The following MALRD1 variants were observed in gnomAD, a reference collection of about 807,000 sequenced individuals.
The protein encoded by MALRD1 is MAM and LDL receptor class A domain containing 1.
In MALRD1, 247 loss-of-function variants were observed where a neutral mutation model predicts 242.1. The ratio of observed to expected loss-of-function variants is 1.02; its 90% confidence interval spans 0.92 to 1.13. The LOEUF is 1.13. Ranked by LOEUF, MALRD1 falls within the 50% of genes most tolerant of loss-of-function variation. MALRD1 has a pLI of 0.00. For missense variants in MALRD1, 2,989 were observed against 2,533.1 expected (o/e 1.18, Z -3.86); for synonymous variants, 995 against 866.6 (o/e 1.15, Z -2.60).
chr10:19,397,733 T>C (rs1846647023), intron 28 of MALRD1, among the ~76,000 whole-genome samples: 1 of 152,170 alleles, frequency 6.6e-6, no homozygotes, highest in South Asian at 2.1e-4. Context: ...TTACTGGGTG[T>C]ATAACACTTG....
chr10:19,169,871 C>T (rs1265277212), intron 13 of MALRD1, among the ~76,000 whole-genome samples: 1 of 152,164 alleles, frequency 6.6e-6, no homozygotes, highest in Non-Finnish European at 1.5e-5. Context: ...TTCAGTTCCA[C>T]GTGTCTAAGC....
chr10:19,113,820 C>CAG (rs56930576), intron 5 of MALRD1, among the ~76,000 whole-genome samples: 6 of 98,836 alleles, frequency 6.1e-5, no homozygotes, highest in African/African-American at 2.3e-4. Context: ...CACACACACA[C>CAG]ACACACACAC....
At chr10:19,177,495 C>A (rs951119553) in intron 14 of MALRD1, among the ~76,000 whole-genome samples, 1 of 151,458 alleles carries the variant, frequency 6.6e-6, no homozygotes, top group East Asian at 1.9e-4. Context: ...CTTTCTTCAC[C>A]CATCATAAAG....
At chr10:19,511,076 T>C (rs1833382026) in intron 31 of MALRD1, among the ~76,000 whole-genome samples, 1 of 152,208 alleles carries the variant, frequency 6.6e-6, no homozygotes, top group East Asian at 1.9e-4. Context: ...TATCAGTTAG[T>C]ATTTGAGACT....
intron 1 of MALRD1, among the ~76,000 whole-genome samples, chr10:19,064,262 C>T (rs1224683116): frequency 2.0e-5 from 3 of 152,148 alleles, no homozygotes; most frequent in East Asian, 1.9e-4. Context: ...CCAACTGTGG[C>T]GTTATTAATT....
Position 19,238,393 on chromosome 10 carries a change from T to A in MALRD1, c.2992-19291T>A, listed in dbSNP as rs1244817040. The stretch of plus-strand genomic sequence containing the variant: ...TATATTATACATAATATATTATATA[T>A]GTTATATATTATGTATAATATATAA... On this transcript the variant is annotated intron_variant, in intron 18 of 39. Coordinates refer to ENST00000454679, the MANE Select transcript of MALRD1 (RefSeq NM_001142308.3). Among the ~76,000 whole-genome samples the A allele has an allele frequency of 2.4e-4, 20 of 83,614 alleles. 1 individual carries two copies. The highest frequency in any genetic ancestry group is 9.1e-4 in the African/African-American group (19 of 20,924). 54.9% of individuals were successfully genotyped at this position (83,614 alleles called of 152,430 possible).
chr10:19,463,367 T>C (rs1836041119), intron 29 of MALRD1, among the ~76,000 whole-genome samples: 1 of 85,144 alleles, frequency 1.2e-5, no homozygotes, highest in Admixed American at 1.4e-4. Flanking sequence ...CATTGTATCA[T>C]TCTTATGATA....
intron 13 of MALRD1, among the ~76,000 whole-genome samples, chr10:19,171,742 TATA>T (rs1321721460): frequency 4.1e-5 from 5 of 121,496 alleles, no homozygotes; most frequent in Non-Finnish European, 7.2e-5. Context: ...ATATATATCA[TATA>T]ATATACGATA....
chr10:19,249,055 ATG>A (rs904079813), intron 18 of MALRD1, among the ~76,000 whole-genome samples: 8 of 148,848 alleles, frequency 5.4e-5, no homozygotes, highest in Non-Finnish European at 1.0e-4. Flanking sequence ...ATGTGTGTAT[ATG>A]TCTCTGTGCA....
At chr10:19,298,428 G>C (rs1299339243) in intron 21 of MALRD1, among the ~76,000 whole-genome samples, 1 of 151,722 alleles carries the variant, frequency 6.6e-6, no homozygotes, top group African/African-American at 2.4e-5. Flanking sequence ...TGATTTACAA[G>C]AGAACTGATA....
At chr10:19,454,432 A>ATATATATATATATATATAT (rs1835522301) in intron 29 of MALRD1, among the ~76,000 whole-genome samples, 1 of 130,992 alleles carries the variant, frequency 7.6e-6, no homozygotes, top group Non-Finnish European at 1.6e-5. Context: ...ATATATATAT[A>ATATATATATATATATATAT]ATTATATGAT....
At chr10:19,286,487 T>G (rs1346881909) in intron 21 of MALRD1, among the ~76,000 whole-genome samples, 2 of 152,142 alleles carry the variant, frequency 1.3e-5, no homozygotes, top group Non-Finnish European at 2.9e-5. Context: ...TGTCAAAGGC[T>G]TTTTCTGCAT....
At chr10:19,056,673 A>G (rs1834678756) in intron 1 of MALRD1, among the ~76,000 whole-genome samples, 1 of 151,876 alleles carries the variant, frequency 6.6e-6, no homozygotes, top group South Asian at 2.1e-4. Context: ...AATTCCTTTT[A>G]TTTCTTTCTC....
chr10:19,596,354 G>A (rs571181549), intron 34 of MALRD1, among the ~76,000 whole-genome samples: 144 of 152,178 alleles, frequency 9.5e-4, no homozygotes, highest in African/African-American at 3.4e-3. Context: ...GTGCTGCAGT[G>A]ATAGTATTCC....
chr10:19,323,851 T>A, intron 21 of MALRD1, 98 bp from the exon 22 acceptor site: 2 of 1,070,230 alleles, frequency 1.9e-6, no homozygotes, highest in South Asian at 3.1e-5. Flanking sequence ...CTGCAGGTGA[T>A]CCACCTGCCT....
At chr10:19,631,330 T>A (rs1178163998) in intron 36 of MALRD1, among the ~76,000 whole-genome samples, 1 of 152,182 alleles carries the variant, frequency 6.6e-6, no homozygotes, top group African/African-American at 2.4e-5. Context: ...AATCTCTTTG[T>A]TTTTTATGGC....
chr10:19,433,638 T>C (rs1834235181), intron 28 of MALRD1, among the ~76,000 whole-genome samples: 1 of 152,128 alleles, frequency 6.6e-6, no homozygotes, highest in Non-Finnish European at 1.5e-5. Flanking sequence ...GAGGCAGCTG[T>C]CAGATGTTGC....
chr10:19,619,102 A>G (rs1839293881), intron 36 of MALRD1, among the ~76,000 whole-genome samples: 1 of 152,056 alleles, frequency 6.6e-6, no homozygotes, highest in South Asian at 2.1e-4. Flanking sequence ...GCCATCACGA[A>G]TTTCACGTGT....
chr10:19,317,266 A>G (rs1005750033), intron 21 of MALRD1, among the ~76,000 whole-genome samples: 37 of 151,912 alleles, frequency 2.4e-4, no homozygotes, highest in African/African-American at 8.2e-4. Context: ...AGAGACTTCT[A>G]GCTGTGTTTT....
Sources: gnomAD v4.1 joint callset for allele counts (sites outside exome capture counted in the v4.1 genomes callset) on GRCh38, gnomAD v4.1.1 for gene constraint, MANE v1.5 for transcripts, NCBI Gene and HGNC (gene_info 2026-07-23, HGNC 2026-07-21) for gene names.